Variants in SPATA31H1 observed in about 807,000 individuals in gnomAD.
The protein encoded by SPATA31H1 is SPATA31 subfamily H member 1.
At chr2:27,566,090 C>A in the SPATA31H1 span, 1 of 717,508 alleles carries the variant, frequency 1.4e-6, no homozygotes, top group Non-Finnish European at 2.6e-6. Flanking sequence ...CTGAAGCTAA[C>A]CTGACATGGT....
At chr2:27,537,708 G>C in the SPATA31H1 span, 2 of 619,680 alleles carry the variant, frequency 3.2e-6, no homozygotes, top group Non-Finnish European at 5.8e-6. Flanking sequence ...TCTTCCTATA[G>C]ATCACTATAA....
the SPATA31H1 span, among the ~76,000 whole-genome samples, chr2:27,553,391 G>A: frequency 2.0e-5 from 3 of 152,014 alleles, no homozygotes; most frequent in African/African-American, 7.3e-5. Flanking sequence ...TTCCTGCTGT[G>A]GTGGCTGATT....
the SPATA31H1 span, chr2:27,573,850 C>T: frequency 2.3e-5 from 9 of 398,356 alleles, no homozygotes; most frequent in African/African-American, 4.1e-5. Flanking sequence ...AAAACTGTAG[C>T]GCTGAACTCC....
At chr2:27,545,877 T>C in the SPATA31H1 span, among the ~76,000 whole-genome samples, 1 of 151,990 alleles carries the variant, frequency 6.6e-6, no homozygotes, top group Non-Finnish European at 1.5e-5. Context: ...TTTTTCATTT[T>C]AGTCACTCTG....
the SPATA31H1 span, among the ~76,000 whole-genome samples, chr2:27,556,878 TCCC>T: frequency 9.8e-6 from 1 of 102,550 alleles, no homozygotes; most frequent in East Asian, 2.6e-4. Flanking sequence ...AGTGTTTGTG[TCCC>T]TGGGTACTTA....
chr2:27,571,423 C>A, the SPATA31H1 span: 1 of 398,484 alleles, frequency 2.5e-6, no homozygotes, highest in East Asian at 3.6e-5. Flanking sequence ...GATGTCAAAT[C>A]TGTGGAATTC....
chr2:27,565,169 T>A, the SPATA31H1 span, among the ~76,000 whole-genome samples: 1 of 152,190 alleles, frequency 6.6e-6, no homozygotes, highest in Non-Finnish European at 1.5e-5. Context: ...TCCCTGATAT[T>A]TATATGTTTG....
At chr2:27,559,509 A>C in the SPATA31H1 span, among the ~76,000 whole-genome samples, 1 of 152,160 alleles carries the variant, frequency 6.6e-6, no homozygotes, top group Admixed American at 6.5e-5. Context: ...TGGATATTTT[A>C]AAACATATTT....
chr2:27,547,452 G>A, the SPATA31H1 span, among the ~76,000 whole-genome samples: 1 of 151,968 alleles, frequency 6.6e-6, no homozygotes, highest in African/African-American at 2.4e-5. Context: ...TGGGATTACA[G>A]GTGTGAGCCA....
At chr2:27,563,344 T>C in the SPATA31H1 span, among the ~76,000 whole-genome samples, 2 of 151,408 alleles carry the variant, frequency 1.3e-5, no homozygotes, top group Admixed American at 1.3e-4. Flanking sequence ...TATTCATTAA[T>C]GTGTAGTTAT....
chr2:27,579,909 G>A, the SPATA31H1 span: 1 of 1,614,156 alleles, frequency 6.2e-7, no homozygotes, highest in Non-Finnish European at 8.5e-7. Context: ...TCTAGCTTCA[G>A]GTCTAGTCCT....
At chr2:27,556,930 C>T in the SPATA31H1 span, among the ~76,000 whole-genome samples, 2 of 77,032 alleles carry the variant, frequency 2.6e-5, no homozygotes, top group African/African-American at 5.4e-5. Flanking sequence ...GAGCATGCTG[C>T]CTTCAAGCAT....
At chr2:27,569,433 T>C in the SPATA31H1 span, 1 of 398,780 alleles carries the variant, frequency 2.5e-6, no homozygotes, top group East Asian at 3.6e-5. Flanking sequence ...ATTTTTGGAG[T>C]TGACTCTAGG....
At chr2:27,554,459 G>A in the SPATA31H1 span, among the ~76,000 whole-genome samples, 1 of 152,000 alleles carries the variant, frequency 6.6e-6, no homozygotes, top group Admixed American at 6.5e-5. Context: ...GTCCAGGATT[G>A]GGGTGCCAGC....
At chr2:27,554,245 C>A in the SPATA31H1 span, among the ~76,000 whole-genome samples, 2 of 152,112 alleles carry the variant, frequency 1.3e-5, no homozygotes, top group South Asian at 4.1e-4. Context: ...TCATTTATGG[C>A]AATGTAGGCT....
chr2:27,578,137 A>T, the SPATA31H1 span: 1 of 1,614,124 alleles, frequency 6.2e-7, no homozygotes, highest in South Asian at 1.1e-5. Flanking sequence ...CCACCATTTC[A>T]AATTGTAAAG....
the SPATA31H1 span, chr2:27,578,929 T>C: frequency 8.7e-6 from 14 of 1,613,960 alleles, no homozygotes; most frequent in Non-Finnish European, 1.2e-5. Flanking sequence ...GACCCTACTA[T>C]GATACAATCT....
chr2:27,561,032 G>C, the SPATA31H1 span, among the ~76,000 whole-genome samples: 1 of 152,150 alleles, frequency 6.6e-6, no homozygotes, highest in Non-Finnish European at 1.5e-5. Flanking sequence ...ATGTGGGAAG[G>C]TCTTCTACTG....
At chr2:27,577,938 C>A in the SPATA31H1 span, 4 of 1,614,112 alleles carry the variant, frequency 2.5e-6, no homozygotes, top group Admixed American at 6.7e-5. The surrounding 1 kb of genome is among the most constrained non-coding windows in gnomAD (Gnocchi z 4.5). Context: ...GTCAAAGAAT[C>A]AAAGTATGAA....
Sources: allele counts gnomAD v4.1 joint callset (sites outside exome capture counted in the v4.1 genomes callset), GRCh38; gene constraint gnomAD v4.1.1; non-coding constraint Gnocchi (gnomAD v3.1); transcripts MANE v1.5; gene names NCBI Gene and HGNC (gene_info 2026-07-23, HGNC 2026-07-21).